Variants in SRD5A1 observed in about 807,000 individuals in gnomAD.
SRD5A1 encodes the protein 3-oxo-5-alpha-steroid 4-dehydrogenase 1.
In SRD5A1, 22 loss-of-function variants were observed where a neutral mutation model predicts 28.2. That is an observed-to-expected ratio of 0.78 (90% CI 0.56 to 1.12). SRD5A1 has a LOEUF of 1.12. SRD5A1 is among the 50% of genes most tolerant of loss of function. The pLI is 0.00. For synonymous variants in SRD5A1, 151 were observed against 135.0 expected (o/e 1.12, Z -0.82); for missense variants, 300 against 346.7 (o/e 0.87, Z 1.07).
rs1305585349 is a variant in SRD5A1, at chr5:6,669,000, A to G, written c.*732A>G. The G allele has an allele frequency of 6.6e-6, 1 of 152,206 alleles. No individual in the cohort carries two copies. Among genetic ancestry groups the G allele is most frequent in the Non-Finnish European group, 1.5e-5 (1 of 68,078 alleles). The allele number at this position is 152,206 out of a possible 1,614,324, so 9.4% of individuals were successfully genotyped here. A position where few individuals can be genotyped will look rare whatever the true frequency, so the allele number is the denominator to read the frequency against. On this transcript the variant is annotated 3_prime_UTR_variant, in exon 5 of 5. Transcript: ENST00000274192. ...GGCCCTAAACAGGCACCTTTAGGCCATGGGTCACTCACCGTGAGCCATCAA... is the reference window on the plus strand; with the variant it reads ...GGCCCTAAACAGGCACCTTTAGGCCGTGGGTCACTCACCGTGAGCCATCAA...
At chr5:6,645,598 C>T (rs1005591142) in intron 1 of SRD5A1, among the ~76,000 whole-genome samples, 10 of 151,116 alleles carry the variant, frequency 6.6e-5, no homozygotes, top group Non-Finnish European at 1.5e-4. Flanking sequence ...GAGATCACGC[C>T]ACTGCACTCC....
chr5:6,650,796 C>G (rs977721112), intron 1 of SRD5A1, among the ~76,000 whole-genome samples: 1 of 136,700 alleles, frequency 7.3e-6, no homozygotes, highest in African/African-American at 2.7e-5. Flanking sequence ...TCCCCCCTCC[C>G]CCCCACCCCA....
At chr5:6,652,077 T>G in intron 2 of SRD5A1, 69 bp downstream of exon 2, 1 of 1,484,624 alleles carries the variant, frequency 6.7e-7, no homozygotes, top group South Asian at 1.4e-5. Context: ...CCCAGTGGTT[T>G]CTAATGAGAA....
intron 3 of SRD5A1, among the ~76,000 whole-genome samples, chr5:6,658,186 G>A (rs1389343403): frequency 3.9e-5 from 6 of 152,084 alleles, no homozygotes; most frequent in African/African-American, 1.4e-4. Context: ...TTAGCTGGGC[G>A]TGGTGGCACG....
At chr5:6,664,663 C>G (rs1739108522) in intron 4 of SRD5A1, among the ~76,000 whole-genome samples, 2 of 152,262 alleles carry the variant, frequency 1.3e-5, no homozygotes, top group African/African-American at 4.8e-5. Context: ...ACCTCAGCCT[C>G]CTGAAGTGCT....
chr5:6,651,899 T>G lies in SRD5A1; in HGVS notation c.351T>G (p.Cys117Trp). Residue 117 changes from cysteine to tryptophan, a missense_variant, in exon 2 of 5, where the codon TGT becomes TGG. Physicochemically the swap from Cys to Trp is radical, Grantham distance 215. This residue lies in a region of SRD5A1 where 126 missense variants were observed against 185.7 expected (regional missense o/e 0.68). Transcript: ENST00000274192. The part of the protein sequence containing the change: ...RGGKPMPLLA[C>W]TMAIMFCTCN... ...GAAAGCCTATGCCACTGTTGGCGTGTACAATGGCGATTATGTTCTGTACCT... is the reference window on the plus strand; with the variant it reads ...GAAAGCCTATGCCACTGTTGGCGTGGACAATGGCGATTATGTTCTGTACCT... 2 of 1,613,872 alleles carry G rather than the reference T, an allele frequency of 1.2e-6. No homozygotes were observed. The highest frequency in any genetic ancestry group is 1.7e-6 in the Non-Finnish European group (2 of 1,179,894).
chr5:6,645,598 C>A (rs1005591142), intron 1 of SRD5A1, among the ~76,000 whole-genome samples: 2 of 151,116 alleles, frequency 1.3e-5, no homozygotes, highest in Non-Finnish European at 2.9e-5. Context: ...GAGATCACGC[C>A]ACTGCACTCC....
At position 6,671,102 on chromosome 5, in the gene SRD5A1, A is replaced by G. The variant is rs939487464; in HGVS notation, c.*2834A>G. 1 of 152,158 alleles carries G rather than the reference A, an allele frequency of 6.6e-6. No individual in the cohort carries two copies. Among genetic ancestry groups the G allele is most frequent in the Non-Finnish European group, 1.5e-5 (1 of 68,022 alleles). The allele number at this position is 152,158 out of a possible 1,614,324, so 9.4% of individuals were successfully genotyped here. On this transcript the variant is annotated 3_prime_UTR_variant, in exon 5 of 5. Transcript: ENST00000274192. ...CCACACTGTTTTCCATGGTGGCTCT[A>G]ATAGTTTACATTCCCACCAGCAGTG...
At chr5:6,647,015 G>A (rs1295192878) in intron 1 of SRD5A1, among the ~76,000 whole-genome samples, 1 of 152,114 alleles carries the variant, frequency 6.6e-6, no homozygotes, top group Non-Finnish European at 1.5e-5. Context: ...CTTTATTTCT[G>A]CTTTCATTTT....
At chr5:6,656,461 T>C (rs1738838933) in intron 3 of SRD5A1, among the ~76,000 whole-genome samples, 1 of 152,230 alleles carries the variant, frequency 6.6e-6, no homozygotes, top group South Asian at 2.1e-4. Flanking sequence ...ACGAGGAGTG[T>C]CTGACACTTT....
chr5:6,648,622 C>T (rs930593707), intron 1 of SRD5A1, among the ~76,000 whole-genome samples: 1 of 152,186 alleles, frequency 6.6e-6, no homozygotes, highest in Non-Finnish European at 1.5e-5. Context: ...ATGTCTTCAC[C>T]TGTTCTTCTC....
chr5:6,652,562 T>C (rs1434416230), intron 2 of SRD5A1, among the ~76,000 whole-genome samples: 1 of 152,156 alleles, frequency 6.6e-6, no homozygotes, highest in African/African-American at 2.4e-5. Context: ...ATCAAAAATA[T>C]TTGCAAGAGC....
intron 1 of SRD5A1, among the ~76,000 whole-genome samples, chr5:6,648,218 CT>C (rs759137690): frequency 9.2e-5 from 14 of 152,034 alleles, no homozygotes; most frequent in Non-Finnish European, 2.1e-4. Flanking sequence ...ACATTTTTTC[CT>C]TCATTTCAAC....
Position 6,673,768 on chromosome 5 carries a change from T to C in SRD5A1, c.*5500T>C, listed in dbSNP as rs1314921816. Reference sequence around the variant, plus strand: ...ATCTATTCATACAATAGAATACTAGTGTCAGAGATTTTTTTTTAACAAAGA... The same window carrying C: ...ATCTATTCATACAATAGAATACTAGCGTCAGAGATTTTTTTTTAACAAAGA... On this transcript the variant is annotated 3_prime_UTR_variant, in exon 5 of 5. Coordinates refer to ENST00000274192, the MANE Select transcript of SRD5A1 (RefSeq NM_001047.4). 6.6e-6 allele frequency: 1 copy of C among 152,134 alleles called. No homozygotes were observed. Among genetic ancestry groups the C allele is most frequent in the Non-Finnish European group, 1.5e-5 (1 of 68,030 alleles). The allele number at this position is 152,134 out of a possible 1,614,324, so 9.4% of individuals were successfully genotyped here.
At chr5:6,650,460 T>A (rs1738637107) in intron 1 of SRD5A1, among the ~76,000 whole-genome samples, 1 of 151,526 alleles carries the variant, frequency 6.6e-6, no homozygotes. Flanking sequence ...GTCTGTAGGA[T>A]ATGTAGTGAT....
intron 3 of SRD5A1, among the ~76,000 whole-genome samples, chr5:6,659,920 C>T (rs972074949): frequency 3.9e-5 from 6 of 152,262 alleles, no homozygotes; most frequent in South Asian, 2.1e-4. Context: ...TTTTGCAGGG[C>T]GTTTTCATGT....
At chr5:6,651,071 C>T (rs1644380559) in intron 1 of SRD5A1, among the ~76,000 whole-genome samples, 2 of 151,910 alleles carry the variant, frequency 1.3e-5, no homozygotes, top group Admixed American at 1.3e-4. Flanking sequence ...GCCTGGTTAG[C>T]TGAGCTGGGG....
intron 1 of SRD5A1, among the ~76,000 whole-genome samples, chr5:6,650,582 C>T (rs1283580009): frequency 6.6e-6 from 1 of 151,642 alleles, no homozygotes; most frequent in Non-Finnish European, 1.5e-5. Context: ...TATTTTAACT[C>T]CTTAAACCTT....
intron 1 of SRD5A1, chr5:6,644,932 T>C: frequency 2.2e-6 from 1 of 456,060 alleles, no homozygotes; most frequent in Non-Finnish European, 4.4e-6. Context: ...GGATTCGTTG[T>C]TCTTATTCAT....
Sources: allele counts gnomAD v4.1 joint callset (sites outside exome capture counted in the v4.1 genomes callset), GRCh38; gene constraint gnomAD v4.1.1; regional missense constraint gnomAD v4.1.1; transcripts MANE v1.5; gene names NCBI Gene and HGNC (gene_info 2026-07-23, HGNC 2026-07-21).